Variants in L3HYPDH observed in about 807,000 individuals in gnomAD.
L3HYPDH encodes the protein trans-3-hydroxy-L-proline dehydratase.
In L3HYPDH, 32 loss-of-function variants were observed where a neutral mutation model predicts 26.5. That is an observed-to-expected ratio of 1.21 (90% CI 0.91 to 1.62). The LOEUF (loss-of-function observed/expected upper bound fraction) is 1.62. Ranked by LOEUF, L3HYPDH falls within the 40% of genes most tolerant of loss-of-function variation. L3HYPDH has a pLI of 0.00. For synonymous variants in L3HYPDH, 215 were observed against 196.6 expected (o/e 1.09, Z -0.78); for missense variants, 554 against 476.4 (o/e 1.16, Z -1.52).
At chr14:59,495,286 A>G in the L3HYPDH span, 1 of 1,316,466 alleles carries the variant, frequency 7.6e-7, no homozygotes, top group Non-Finnish European at 1.1e-6. Context: ...ATTATTATAG[A>G]TTTTATGGCG....
At chr14:59,496,494 T>C in the L3HYPDH span, among the ~76,000 whole-genome samples, 2 of 152,246 alleles carry the variant, frequency 1.3e-5, no homozygotes, top group South Asian at 2.1e-4. Context: ...TATTTAGCGA[T>C]AGTCTCATTT....
the L3HYPDH span, chr14:59,499,015 C>CTTTT: frequency 7.3e-4 from 93 of 127,290 alleles, 10 homozygotes; most frequent in Non-Finnish European, 1.1e-3. Flanking sequence ...TTGTTTAATC[C>CTTTT]TTTTTTTTTT....
chr14:59,487,055 T>G (rs1366427255), upstream of L3HYPDH: 2 of 310,500 alleles, frequency 6.4e-6, no homozygotes, highest in African/African-American at 4.4e-5. Context: ...AGAAAAAAAT[T>G]AGCTGGGCAT....
At chr14:59,486,117 T>C (rs941321914), upstream of L3HYPDH, 2 of 152,222 alleles carry the variant, frequency 1.3e-5, no homozygotes, top group Non-Finnish European at 2.9e-5. Flanking sequence ...TTCTAAAATA[T>C]TGGCCCAGTG....
upstream of L3HYPDH, chr14:59,485,136 T>C (rs1444868293): frequency 1.9e-6 from 3 of 1,597,604 alleles, no homozygotes; most frequent in East Asian, 6.7e-5. Context: ...AGGCTGTTTA[T>C]TTCAGTTCAG....
chr14:59,495,153 C>T, the L3HYPDH span: 1 of 1,613,696 alleles, frequency 6.2e-7, no homozygotes, highest in Non-Finnish European at 8.5e-7. Flanking sequence ...CTGACTGGTA[C>T]ACGATGCTTT....
chr14:59,487,593 A>T (rs558361836), upstream of L3HYPDH: 1 of 996,128 alleles, frequency 1.0e-6, no homozygotes, highest in Non-Finnish European at 1.5e-6. Flanking sequence ...CTGAAATGGG[A>T]TGTCTTATAG....
rs200316741 is a variant in L3HYPDH at position 59,473,099 on chromosome 14, A to T, written c.940-9T>A. Reference sequence around the variant, plus strand: ...TCACCACATTTCGCTTCCTGAAAAAAGATGAAGGGAGTATACTATCAAAAT... The same window carrying T: ...TCACCACATTTCGCTTCCTGAAAAATGATGAAGGGAGTATACTATCAAAAT... On this transcript the variant is annotated splice_polypyrimidine_tract_variant and intron_variant, in intron 4 of 4. Coordinates refer to ENST00000247194, the MANE Select transcript of L3HYPDH (RefSeq NM_144581.2). 0.014 allele frequency: 22,756 copies of T among 1,585,872 alleles called. 211 individuals carry two copies. Among genetic ancestry groups the T allele is most frequent in the Non-Finnish European group, 0.017 (19,677 of 1,170,148 alleles).
chr14:59,472,766 T>G lies in L3HYPDH; in HGVS notation c.*199A>C, dbSNP rs1453046794. ...TCTGAATTTCTGGCATTTTGTATGC[T>G]AGACATAAGTGATATTTATACAAAT... On this transcript the variant is annotated 3_prime_UTR_variant, in exon 5 of 5. Coordinates refer to ENST00000247194, the MANE Select transcript of L3HYPDH (RefSeq NM_144581.2). 7.2e-6 allele frequency: 3 copies of G among 417,562 alleles called. No homozygotes were observed. The highest frequency in any genetic ancestry group is 1.2e-5 in the Non-Finnish European group (3 of 242,960). The allele number at this position is 417,562 out of a possible 1,614,324, so 25.9% of individuals were successfully genotyped here. A position where few individuals can be genotyped will look rare whatever the true frequency, so the allele number is the denominator to read the frequency against.
the L3HYPDH span, among the ~76,000 whole-genome samples, chr14:59,492,866 C>T: frequency 0.39 from 58,447 of 149,078 alleles, 12,136 homozygotes; most frequent in African/African-American, 0.52. Flanking sequence ...GGTGCGACCT[C>T]GGCTCACTGC....
Position 59,481,801 on chromosome 14 carries a change from G to A in L3HYPDH, c.508+2008C>T, listed in dbSNP as rs1290522597. 2.0e-5 allele frequency among the ~76,000 whole-genome samples: 3 copies of A among 152,162 alleles called. No homozygotes were observed. In the East Asian group the frequency reaches 5.8e-4, roughly 29 times the overall value. Reference sequence around the variant, plus strand: ...AGGATGAGAGGGAAGCAATATGATAGGCCAGGGTTCCAACCCTAGTTCTGC... The same window carrying A: ...AGGATGAGAGGGAAGCAATATGATAAGCCAGGGTTCCAACCCTAGTTCTGC... On this transcript the variant is annotated intron_variant, in intron 1 of 4. Transcript: ENST00000247194.
At chr14:59,469,260 T>TA (rs1189724933), downstream of L3HYPDH, among the ~76,000 whole-genome samples, 6 of 151,882 alleles carry the variant, frequency 4.0e-5, no homozygotes, top group Admixed American at 6.6e-5. Flanking sequence ...ATGCTGTTGA[T>TA]AAAAGAAGGG....
chr14:59,470,850 G>A (rs895009308), downstream of L3HYPDH, among the ~76,000 whole-genome samples: 1 of 151,284 alleles, frequency 6.6e-6, no homozygotes, highest in East Asian at 1.9e-4. Context: ...AGCAGTGACA[G>A]CCATCCACAG....
chr14:59,472,442 T>C (rs1030076763), downstream of L3HYPDH, among the ~76,000 whole-genome samples: 4 of 152,212 alleles, frequency 2.6e-5, no homozygotes, highest in South Asian at 4.1e-4. Context: ...GAGAACACCC[T>C]GGCAGCAGCT....
At chr14:59,484,471 G>T (rs1005123184), upstream of L3HYPDH, 8 of 1,413,582 alleles carry the variant, frequency 5.7e-6, no homozygotes, top group Non-Finnish European at 7.7e-6. Flanking sequence ...GAGGAACTTC[G>T]GAGCTGTCGC....
chr14:59,498,488 A>T, the L3HYPDH span, among the ~76,000 whole-genome samples: 1 of 152,158 alleles, frequency 6.6e-6, no homozygotes, highest in Non-Finnish European at 1.5e-5. Flanking sequence ...ATCAAAAGGG[A>T]TAAACAGTTT....
At chr14:59,488,060 A>G (rs1040608761), upstream of L3HYPDH, among the ~76,000 whole-genome samples, 2 of 152,150 alleles carry the variant, frequency 1.3e-5, no homozygotes, top group African/African-American at 4.8e-5. Context: ...TTGAAGGAAT[A>G]CTTTTACTTC....
chr14:59,484,615 G>T, upstream of L3HYPDH: 1 of 1,578,172 alleles, frequency 6.3e-7, no homozygotes, highest in Non-Finnish European at 8.6e-7. Context: ...CCAAGATCCC[G>T]GGAAGCGTTT....
In L3HYPDH at chr14:59,473,004, T is replaced by A; in HGVS notation, c.1026A>T (p.Glu342Asp). The change falls in exon 5 of 5, where the codon GAA (glutamate) becomes GAT (aspartate). Residue 342 changes from glutamate (E) to aspartate (D), a missense_variant. Glu to Asp is a conservative substitution (Grantham distance 45, BLOSUM62 2). Coordinates refer to ENST00000247194, the MANE Select transcript of L3HYPDH (RefSeq NM_144581.2). ...ATCCATCCCTCAATGGGTCGTCATCTTCTATTATAAAGCTTGCTGTACCCG... is the reference window on the plus strand; with the variant it reads ...ATCCATCCCTCAATGGGTCGTCATCATCTATTATAAAGCTTGCTGTACCCG... ...HYTGTASFII[E>D]DDDPLRDGFL... The A allele has an allele frequency of 6.2e-7, 1 of 1,608,788 alleles. No homozygotes were observed. The highest frequency in any genetic ancestry group is 8.5e-7 in the Non-Finnish European group (1 of 1,178,118).
Sources: gnomAD v4.1 joint callset for allele counts (sites outside exome capture counted in the v4.1 genomes callset) on GRCh38, gnomAD v4.1.1 for gene constraint, MANE v1.5 for transcripts, NCBI Gene and HGNC (gene_info 2026-07-23, HGNC 2026-07-21) for gene names.